The following SPOCK3 variants were observed in gnomAD, a reference collection of about 807,000 sequenced individuals.
The protein encoded by SPOCK3 is SPARC (osteonectin), cwcv and kazal like domains proteoglycan 3.
A neutral mutation model predicts 56.6 loss-of-function variants in SPOCK3; 30 were observed. That is an observed-to-expected ratio of 0.53 (90% CI 0.40 to 0.72). The LOEUF is 0.72. Among genes scored for constraint, SPOCK3 ranks in the 30% least tolerant of loss-of-function variants. SPOCK3 has a pLI of 0.00. For synonymous variants in SPOCK3, 196 were observed against 183.3 expected, an observed-to-expected ratio of 1.07 and a Z score of -0.56; for missense variants, 527 against 530.0, an observed-to-expected ratio of 0.99 and a Z score of 0.06.
chr4:167,007,662 G>A (rs1749594018), intron 3 of SPOCK3, among the ~76,000 whole-genome samples: 1 of 152,074 alleles, frequency 6.6e-6, no homozygotes, highest in South Asian at 2.1e-4. Flanking sequence ...CTTTATTATA[G>A]CTGTAGAAAA....
intron 2 of SPOCK3, among the ~76,000 whole-genome samples, chr4:167,135,342 A>G (rs150922096): frequency 6.6e-6 from 1 of 152,260 alleles, no homozygotes; most frequent in African/African-American, 2.4e-5. Context: ...CAATTTTTAA[A>G]ACGTAGCACA....
At chr4:166,894,112 A>G (rs543346512) in intron 5 of SPOCK3, among the ~76,000 whole-genome samples, 1 of 152,318 alleles carries the variant, frequency 6.6e-6, no homozygotes, top group East Asian at 1.9e-4. Flanking sequence ...AGTGGACACT[A>G]CACCATTTTT....
intron 4 of SPOCK3, among the ~76,000 whole-genome samples, chr4:166,916,744 C>T (rs1737897222): frequency 6.6e-6 from 1 of 152,126 alleles, no homozygotes; most frequent in South Asian, 2.1e-4. Context: ...CAGCCACCTC[C>T]CTCGGTCTTA....
intron 8 of SPOCK3, among the ~76,000 whole-genome samples, chr4:166,751,592 C>A (rs919348203): frequency 2.6e-5 from 4 of 152,062 alleles, no homozygotes; most frequent in African/African-American, 9.7e-5. Context: ...AGTCCTTAGC[C>A]ATAAAATGGG....
rs370891145 is a variant in SPOCK3 at position 167,013,750 on chromosome 4, G to A, written c.236-13287C>T. 1.5e-4 allele frequency among the ~76,000 whole-genome samples: 23 copies of A among 152,038 alleles called. No homozygotes were observed. The East Asian group carries it at 1.6e-3, about 10-fold the overall frequency. ...AAAAGAAAGCCCCTACTAATATGGCGATTTTGGCTTTGGCTTGATAAAGTA... is the reference window on the plus strand; with the variant it reads ...AAAAGAAAGCCCCTACTAATATGGCAATTTTGGCTTTGGCTTGATAAAGTA... On this transcript the variant is annotated intron_variant, in intron 3 of 10. Coordinates refer to ENST00000357545, the MANE Select transcript of SPOCK3 (RefSeq NM_001040159.2).
chr4:167,024,682 C>G (rs2318874), intron 3 of SPOCK3, among the ~76,000 whole-genome samples: 7,963 of 151,922 alleles, frequency 0.052, 687 homozygotes, highest in African/African-American at 0.18. Context: ...ATACAATAGA[C>G]TTTGGGGACT....
Position 166,786,220 on chromosome 4 carries a change from G to A in SPOCK3, c.709+5950C>T, listed in dbSNP as rs144214377. On this transcript the variant is annotated intron_variant, in intron 7 of 10. Transcript: ENST00000357545. ...AGATACCTGGGGGAAGAGTGTTCTA[G>A]GACAAGTAAAAGACAAATATGAAGG... 2.7e-3 allele frequency among the ~76,000 whole-genome samples: 405 copies of A among 152,118 alleles called. 3 individuals are homozygous for A. The highest frequency in any genetic ancestry group is 9.1e-3 in the African/African-American group (378 of 41,516).
At chr4:167,205,412 AT>A (rs1734104441) in intron 2 of SPOCK3, among the ~76,000 whole-genome samples, 2 of 49,114 alleles carry the variant, frequency 4.1e-5, no homozygotes, top group African/African-American at 1.7e-4. Flanking sequence ...TATATTATAT[AT>A]TAAATATATA....
chr4:166,948,337 T>C (rs538243413), intron 4 of SPOCK3, among the ~76,000 whole-genome samples: 1 of 152,178 alleles, frequency 6.6e-6, no homozygotes, highest in Non-Finnish European at 1.5e-5. Flanking sequence ...CAGACATTAC[T>C]TTTATTTACT....
rs1440547358 is a variant in SPOCK3 at position 167,116,605 on chromosome 4, C to G, written c.190-54068G>C. ...AGTTTTGTATATATATACATATATA[C>G]TATATACGTATATATATACATATAT... On this transcript the variant is annotated intron_variant, in intron 2 of 10. Coordinates refer to ENST00000357545, the MANE Select transcript of SPOCK3 (RefSeq NM_001040159.2). 2.3e-5 allele frequency among the ~76,000 whole-genome samples: 3 copies of G among 131,814 alleles called. No individual in the cohort carries two copies. The South Asian group carries it at 6.8e-4, about 30-fold the overall frequency. The allele number at this position is 131,814 out of a possible 152,430, so 86.5% of individuals were successfully genotyped here.
intron 2 of SPOCK3, among the ~76,000 whole-genome samples, chr4:167,139,999 C>T (rs577241027): frequency 6.6e-6 from 1 of 151,834 alleles, no homozygotes; most frequent in African/African-American, 2.4e-5. Flanking sequence ...GAATATGATA[C>T]CTGAACGAGT....
chr4:166,740,264 G>A (rs921873095), intron 9 of SPOCK3, among the ~76,000 whole-genome samples: 2 of 152,002 alleles, frequency 1.3e-5, no homozygotes, highest in African/African-American at 4.8e-5. Flanking sequence ...AAAGACTTTA[G>A]TGTTCTCTAT....
At chr4:167,116,867 A>C (rs1317367508) in intron 2 of SPOCK3, among the ~76,000 whole-genome samples, 1 of 142,154 alleles carries the variant, frequency 7.0e-6, no homozygotes, top group African/African-American at 2.6e-5. Flanking sequence ...TTTTGTATAT[A>C]GATATACTTT....
chr4:166,778,935 T>A (rs992412957), intron 7 of SPOCK3, among the ~76,000 whole-genome samples: 3 of 152,048 alleles, frequency 2.0e-5, no homozygotes, highest in Non-Finnish European at 4.4e-5. Flanking sequence ...ATCAGAAAGT[T>A]GTGTATAGCC....
intron 8 of SPOCK3, among the ~76,000 whole-genome samples, chr4:166,746,103 C>A (rs1735574341): frequency 6.6e-6 from 1 of 152,140 alleles, no homozygotes. Flanking sequence ...ACAAAGATAT[C>A]CAGGCCTTGA....
chr4:167,035,838 A>C (rs1471977024), intron 3 of SPOCK3, among the ~76,000 whole-genome samples: 2 of 152,176 alleles, frequency 1.3e-5, no homozygotes, highest in Admixed American at 6.6e-5. Context: ...TGTGCCTACT[A>C]TCAGGAGTTC....
At chr4:167,063,034 G>A (rs191549443) in intron 2 of SPOCK3, among the ~76,000 whole-genome samples, 78 of 151,940 alleles carry the variant, frequency 5.1e-4, no homozygotes, top group Admixed American at 5.1e-3. Flanking sequence ...GTGGCCCATG[G>A]AGTGTAAATA....
chr4:167,028,508 G>C (rs1031705529), intron 3 of SPOCK3, among the ~76,000 whole-genome samples: 6 of 152,036 alleles, frequency 3.9e-5, no homozygotes, highest in African/African-American at 1.4e-4. Context: ...CTACAGACTT[G>C]AGGGCCCCTT....
chr4:167,177,927 C>T (rs925514146), intron 2 of SPOCK3, among the ~76,000 whole-genome samples: 1 of 152,098 alleles, frequency 6.6e-6, no homozygotes, highest in Non-Finnish European at 1.5e-5. Flanking sequence ...AGTTCTTTTT[C>T]CAAATATCAG....
Sources: allele counts gnomAD v4.1 joint callset (sites outside exome capture counted in the v4.1 genomes callset), GRCh38; gene constraint gnomAD v4.1.1; transcripts MANE v1.5; gene names NCBI Gene and HGNC (gene_info 2026-07-23, HGNC 2026-07-21).